ATG7: variants seen among roughly 807,000 people sequenced by gnomAD.
The protein encoded by ATG7 is ubiquitin-like modifier-activating enzyme ATG7.
Under a neutral mutation model 82.4 loss-of-function variants are expected in ATG7, and 70 were observed. The ratio of observed to expected loss-of-function variants is 0.85; its 90% CI spans 0.70 to 1.04. The LOEUF (loss-of-function observed/expected upper bound fraction) is 1.04, where lower values mean the gene tolerates loss of function less well. ATG7 is among the 50% of genes least tolerant of loss of function. ATG7 has a pLI of 0.00. For missense variants in ATG7, 792 were observed against 864.3 expected, an observed-to-expected ratio of 0.92 and a Z score of 1.05; for synonymous variants, 287 against 313.0, an observed-to-expected ratio of 0.92 and a Z score of 0.88.
intron 20 of ATG7, among the ~76,000 whole-genome samples, chr3:11,433,286 A>AT (rs1479048609): frequency 3.5e-5 from 3 of 85,434 alleles, no homozygotes; most frequent in African/African-American, 5.1e-5. Context: ...CCTGTCTCTT[A>AT]TTTAAAAAAA....
intron 20 of ATG7, among the ~76,000 whole-genome samples, chr3:11,549,728 T>G (rs986255231): frequency 1.3e-5 from 2 of 152,170 alleles, no homozygotes; most frequent in African/African-American, 4.8e-5. Context: ...TGTGGACATG[T>G]GTTTTCGTTT....
chr3:11,382,597 G>A (rs2077994582), intron 19 of ATG7, among the ~76,000 whole-genome samples: 1 of 152,170 alleles, frequency 6.6e-6, no homozygotes, highest in African/African-American at 2.4e-5. Context: ...GACCTTATTT[G>A]ACGTTTATAT....
At chr3:11,407,686 G>T (rs929010179) in intron 19 of ATG7, among the ~76,000 whole-genome samples, 1 of 152,166 alleles carries the variant, frequency 6.6e-6, no homozygotes, top group African/African-American at 2.4e-5. Context: ...GTACTTGCAG[G>T]CTCAAAACCA....
chr3:11,516,536 C>A (rs1444856182), intron 20 of ATG7, among the ~76,000 whole-genome samples: 1 of 152,196 alleles, frequency 6.6e-6, no homozygotes, highest in African/African-American at 2.4e-5. Context: ...ACTAAACACA[C>A]TCTTACTGTG....
intron 19 of ATG7, among the ~76,000 whole-genome samples, chr3:11,410,239 C>T (rs1311073347): frequency 6.6e-6 from 1 of 152,168 alleles, no homozygotes; most frequent in Non-Finnish European, 1.5e-5. Flanking sequence ...CAACTTCTCT[C>T]AGCAGTAGTT....
intron 13 of ATG7, among the ~76,000 whole-genome samples, chr3:11,347,568 G>A (rs1235423281): frequency 6.6e-6 from 1 of 152,148 alleles, no homozygotes; most frequent in Non-Finnish European, 1.5e-5. Flanking sequence ...CAACAACATA[G>A]ACAATTCTTA....
At chr3:11,572,051 G>A in the ATG7 span, among the ~76,000 whole-genome samples, 9 of 151,994 alleles carry the variant, frequency 5.9e-5, no homozygotes, top group African/African-American at 2.2e-4. Context: ...AGGTTGCAGT[G>A]AGCTGAGATC....
At chr3:11,330,205 T>C (rs1240034324) in intron 9 of ATG7, among the ~76,000 whole-genome samples, 1 of 152,168 alleles carries the variant, frequency 6.6e-6, no homozygotes, top group African/African-American at 2.4e-5. Context: ...AAAATACTAT[T>C]TTTTCTTTGA....
intron 3 of ATG7, among the ~76,000 whole-genome samples, chr3:11,287,749 A>T (rs1237171424): frequency 2.0e-5 from 3 of 152,262 alleles, no homozygotes; most frequent in African/African-American, 7.2e-5. Flanking sequence ...CAAGGTGCCT[A>T]TTGCAGGCCA....
chr3:11,506,554 CAAAAAAAAAAA>C (rs754696496), intron 20 of ATG7, among the ~76,000 whole-genome samples: 44 of 24,972 alleles, frequency 1.8e-3, no homozygotes, highest in African/African-American at 4.0e-3. Flanking sequence ...CCCATCTCTA[CAAAAAAAAAAA>C]AAAAAAAAAA....
rs530036695 is a variant in ATG7 at position 11,391,283 on chromosome 3, A to T, written c.1956+11231A>T. ...TTTCCTTTTCCCTTTTCTTTTCATG[A>T]CAGCTGTAAATCTAGGAGCTTAATT... On this transcript the variant is annotated intron_variant, in intron 19 of 20. Coordinates refer to ENST00000693202, the MANE Select transcript of ATG7 (RefSeq NM_001349232.2). Among the ~76,000 whole-genome samples, 23 of 152,200 alleles carry T rather than the reference A, an allele frequency of 1.5e-4. No homozygotes were observed. In the South Asian group the frequency reaches 3.5e-3, roughly 23 times the overall value.
chr3:11,445,654 C>T (rs1340741582), intron 20 of ATG7, among the ~76,000 whole-genome samples: 1 of 152,114 alleles, frequency 6.6e-6, no homozygotes, highest in African/African-American at 2.4e-5. Context: ...TATAATAAGC[C>T]TGCACATATA....
chr3:11,495,640 T>G (rs1296008748), intron 20 of ATG7, among the ~76,000 whole-genome samples: 1 of 143,906 alleles, frequency 6.9e-6, no homozygotes, highest in African/African-American at 2.6e-5. Flanking sequence ...ATGGCCGTAT[T>G]TGAGGTTTCA....
the ATG7 span, among the ~76,000 whole-genome samples, chr3:11,570,756 T>C: frequency 1.3e-5 from 2 of 152,162 alleles, no homozygotes; most frequent in African/African-American, 4.8e-5. Flanking sequence ...TCTTCTCCCT[T>C]TTAGTCCCTT....
intron 20 of ATG7, among the ~76,000 whole-genome samples, chr3:11,452,083 G>A: frequency 6.6e-6 from 1 of 151,908 alleles, no homozygotes. Context: ...TTCTTTTTGG[G>A]ATAATGAGAA....
At chr3:11,532,845 A>G (rs1318424031) in intron 20 of ATG7, among the ~76,000 whole-genome samples, 1 of 152,266 alleles carries the variant, frequency 6.6e-6, no homozygotes, top group African/African-American at 2.4e-5. Flanking sequence ...CCTGAAATGC[A>G]ATCAGCAGTT....
At chr3:11,396,954 TAAACAAATAGAAAAA>T (rs2079349910) in intron 19 of ATG7, among the ~76,000 whole-genome samples, 1 of 151,766 alleles carries the variant, frequency 6.6e-6, no homozygotes, top group African/African-American at 2.4e-5. Flanking sequence ...GACTAAACAG[TAAACAAATAGAAAAA>T]TTGTATAACT....
At chr3:11,565,089 G>T in the ATG7 span, 1 of 1,343,060 alleles carries the variant, frequency 7.4e-7, no homozygotes, top group Non-Finnish European at 9.8e-7. This position sits in a 1 kb window ranked among gnomAD's most constrained non-coding sequence, Gnocchi z 4.1. Context: ...TGTGCGCCAG[G>T]CACTCCGTGT....
chr3:11,440,535 G>A (rs1310272172), intron 20 of ATG7, among the ~76,000 whole-genome samples: 4 of 149,692 alleles, frequency 2.7e-5, no homozygotes, highest in Non-Finnish European at 4.4e-5. Context: ...CGTTTTAGCC[G>A]GGATGGTCTC....
Sources: gnomAD v4.1 joint callset for allele counts (sites outside exome capture counted in the v4.1 genomes callset) on GRCh38, gnomAD v4.1.1 for gene constraint, Gnocchi (gnomAD v3.1) non-coding constraint, MANE v1.5 for transcripts, NCBI Gene and HGNC (gene_info 2026-07-23, HGNC 2026-07-21) for gene names.